The following ALDH2 variants were observed in gnomAD, a reference collection of about 807,000 sequenced individuals.
ALDH2 encodes aldehyde dehydrogenase, mitochondrial.
Under a neutral mutation model 59.6 loss-of-function variants are expected in ALDH2, and 44 were observed. That is an observed-to-expected ratio of 0.74 (90% confidence interval 0.58 to 0.95). The LOEUF is 0.95. Ranked by LOEUF, ALDH2 falls within the 40% of genes least tolerant of loss-of-function variation. The probability of loss-of-function intolerance (pLI) is 0.00; values close to 1 mark genes in which losing one functional copy is unlikely to be tolerated. For synonymous variants in ALDH2, 291 were observed against 284.0 expected (o/e 1.02, Z -0.25); for missense variants, 570 against 696.3 (o/e 0.82, Z 2.04).
chr12:111,795,235 G>T (rs1364644771), intron 9 of ALDH2, among the ~76,000 whole-genome samples: 1 of 152,170 alleles, frequency 6.6e-6, no homozygotes. Context: ...TGACAGACTT[G>T]ATTGTTTCCA....
Position 111,783,172 on chromosome 12 carries a change from G to A in ALDH2, c.234G>A (p.Lys78=), listed in dbSNP as rs771277872. The A allele has an allele frequency of 1.9e-6, 3 of 1,612,234 alleles. No individual in the cohort carries two copies. Among genetic ancestry groups the A allele is most frequent in the East Asian group, 4.5e-5 (2 of 44,812 alleles). ...VAEGDKEDVD[K]AVKAARAAFQ... ...GTGTTTTCTAGGAAGATGTGGACAA[G>A]GCAGTGAAGGCCGCCCGGGCCGCCT... The change falls in exon 3 of 13, where the codon AAG becomes AAA. Residue 78 remains lysine, a synonymous_variant. Transcript: ENST00000261733.
chr12:111,780,329 G>A, intron 1 of ALDH2, among the ~76,000 whole-genome samples: 1 of 152,162 alleles, frequency 6.6e-6, no homozygotes, highest in East Asian at 1.9e-4. Context: ...GTGATGGCCT[G>A]GTCTGAATTA....
At chr12:111,809,479 C>T in intron 12 of ALDH2, 64 bp from the exon 13 acceptor site, 1 of 1,586,316 alleles carries the variant, frequency 6.3e-7, no homozygotes, top group East Asian at 2.2e-5. Flanking sequence ...CAGCTCCTAG[C>T]TGAGGGGACC....
At chr12:111,773,036 A>T (rs953946037) in intron 1 of ALDH2, among the ~76,000 whole-genome samples, 2 of 146,812 alleles carry the variant, frequency 1.4e-5, no homozygotes, top group African/African-American at 2.5e-5. Context: ...AGGCAGGCGG[A>T]TCACCTCAGG....
At position 111,816,122 on chromosome 12, in the gene ALDH2, T is replaced by G. The variant is rs1404157194; in HGVS notation, c.*6547T>G. The G allele has an allele frequency of 6.6e-6, 1 of 152,110 alleles. No individual in the cohort carries two copies. The highest frequency in any genetic ancestry group is 2.4e-5 in the African/African-American group (1 of 41,390). The allele number at this position is 152,110 out of a possible 1,614,324, so 9.4% of individuals were successfully genotyped here. On this transcript the variant is annotated 3_prime_UTR_variant, in exon 13 of 13. Transcript: ENST00000261733. ...ATGAATGGCTTGGTGTCCTCCCCCA[T>G]GGTAATGAGTTCACTCAAGAGCTGG... is the stretch of plus-strand genomic sequence containing the variant.
chr12:111,799,966 G>A lies in ALDH2; in HGVS notation c.1309G>A (p.Ala437Thr), dbSNP rs1169806518. ...GACCATAGAGGAGGTTGTTGGGAGA[G>A]CCAACAATTCCACGTACGGGCTGGC... ...FKTIEEVVGRANNSTYGLAAA... is the reference protein window; with the variant it reads ...FKTIEEVVGRTNNSTYGLAAA... Residue 437 changes from alanine to threonine, a missense_variant, in exon 11 of 13, where the codon GCC becomes ACC. Physicochemically the swap from Ala to Thr is moderately conservative, Grantham distance 58. Transcript: ENST00000261733. The A allele has an allele frequency of 6.2e-7, 1 of 1,614,058 alleles. No homozygotes were observed. Among genetic ancestry groups the A allele is most frequent in the Admixed American group, 1.7e-5 (1 of 60,018 alleles).
intron 11 of ALDH2, among the ~76,000 whole-genome samples, chr12:111,801,894 T>A (rs1452243537): frequency 1.3e-5 from 2 of 152,124 alleles, no homozygotes; most frequent in African/African-American, 4.8e-5. Context: ...TGTTCTGCAA[T>A]TAGACAGTGG....
In ALDH2 at chr12:111,798,252, T is replaced by TG. The variant is rs1724385854; in HGVS notation, c.1248+14dup. 1 of 1,543,280 alleles carries TG rather than the reference T, an allele frequency of 6.5e-7. No individual in the cohort carries two copies. The highest frequency in any genetic ancestry group is 2.0e-5 in the Admixed American group (1 of 51,212). ...CATCGCCAAGGAGGAGGTGAGCACT[T>TG]GGGGCCAGTGCTCTGGAAACATTCT... On this transcript the variant is annotated intron_variant, in intron 10 of 12. Coordinates refer to ENST00000261733, the MANE Select transcript of ALDH2 (RefSeq NM_000690.4).
Position 111,811,438 on chromosome 12 carries a change from T to A in ALDH2, c.*1863T>A, listed in dbSNP as rs903956311. The A allele has an allele frequency of 2.0e-5, 3 of 151,996 alleles. No individual in the cohort carries two copies. The highest frequency in any genetic ancestry group is 4.4e-5 in the Non-Finnish European group (3 of 68,012). The allele number at this position is 151,996 out of a possible 1,614,324, so 9.4% of individuals were successfully genotyped here. On this transcript the variant is annotated 3_prime_UTR_variant, in exon 13 of 13. Transcript: ENST00000261733. ...TCTACCATCATGTGAAACACCACTCTGTGATTTGAGTCTTGACAATGTATT... is the reference window on the plus strand; with the variant it reads ...TCTACCATCATGTGAAACACCACTCAGTGATTTGAGTCTTGACAATGTATT...
In ALDH2 at chr12:111,781,965, C is replaced by G; in HGVS notation, c.162C>G (p.Phe54Leu). The G allele has an allele frequency of 1.2e-6, 2 of 1,613,924 alleles. No homozygotes were observed. Among genetic ancestry groups the G allele is most frequent in the Non-Finnish European group, 1.7e-6 (2 of 1,179,900 alleles). Residue 54 changes from phenylalanine to leucine, a missense_variant, in exon 2 of 13, where the codon TTC becomes TTG. By Grantham distance (22) the Phe-to-Leu change is conservative. Transcript: ENST00000261733. ...EWHDAVSRKT[F>L]PTVNPSTGEV... ...ACGATGCCGTCAGCAGGAAAACATT[C>G]CCCACCGTCAATCCGTCCACTGGAG...
At chr12:111,783,405 C>T (rs1427794169) in intron 3 of ALDH2, 107 bp downstream of exon 3, 8 of 1,386,888 alleles carry the variant, frequency 5.8e-6, no homozygotes, top group Non-Finnish European at 7.8e-6. Context: ...AGGGAACACA[C>T]ATCTGACACG....
chr12:111,767,129 T>C (rs1336876217), intron 1 of ALDH2, 33 bp downstream of exon 1: 2 of 1,442,038 alleles, frequency 1.4e-6, no homozygotes, highest in Non-Finnish European at 1.8e-6. Context: ...CGCTTTGTTT[T>C]CCGGCCCGAG....
chr12:111,806,479 G>T (rs565931073), intron 12 of ALDH2, among the ~76,000 whole-genome samples: 1 of 152,320 alleles, frequency 6.6e-6, no homozygotes, highest in East Asian at 1.9e-4. Context: ...GATTGGAAAA[G>T]AGGAGGCTCA....
rs1017744388 is a variant in ALDH2 at position 111,812,501 on chromosome 12, A to G, written c.*2926A>G. On this transcript the variant is annotated 3_prime_UTR_variant, in exon 13 of 13. Coordinates refer to ENST00000261733, the MANE Select transcript of ALDH2 (RefSeq NM_000690.4). ...TGATGCCCTACTTATGCCTAACTTT[A>G]TCACCAGCTTAACCCTCATCTCATT... 4 of 152,142 alleles carry G rather than the reference A, an allele frequency of 2.6e-5. No homozygotes were observed. The highest frequency in any genetic ancestry group is 9.7e-5 in the African/African-American group (4 of 41,426). 9.4% of individuals were successfully genotyped at this position (152,142 alleles called of 1,614,324 possible).
chr12:111,795,518 G>A (rs1473480694), intron 9 of ALDH2, among the ~76,000 whole-genome samples: 1 of 149,818 alleles, frequency 6.7e-6, no homozygotes, highest in East Asian at 2.0e-4. Context: ...CCTGACCTCA[G>A]GTGATCCACC....
chr12:111,802,529 C>T (rs1307526623), intron 11 of ALDH2, among the ~76,000 whole-genome samples: 4 of 151,456 alleles, frequency 2.6e-5, no homozygotes, highest in East Asian at 1.9e-4. Flanking sequence ...TGCAGTGAGC[C>T]GAGATCGCAC....
rs768692057 is a variant in ALDH2, at chr12:111,783,241, G to A, written c.303G>A (p.Arg101=). The change falls in exon 3 of 13, where the codon AGG becomes AGA. Residue 101 remains arginine (R), a synonymous_variant. Coordinates refer to ENST00000261733, the MANE Select transcript of ALDH2 (RefSeq NM_000690.4). The part of the protein sequence containing the change: ...SPWRRMDASH[R]GRLLNRLADL... The stretch of plus-strand genomic sequence containing the variant: ...GGCGCCGCATGGACGCATCACACAG[G>A]GGCCGGCTGCTGAACCGCCTGGCCG... 1.2e-6 allele frequency: 2 copies of A among 1,613,258 alleles called. No individual in the cohort carries two copies. Among genetic ancestry groups the A allele is most frequent in the South Asian group, 1.1e-5 (1 of 90,882 alleles).
In ALDH2 at chr12:111,803,877, G is replaced by A. The variant is rs764536284; in HGVS notation, c.1425G>A (p.Val475=). 1 of 1,612,970 alleles carries A rather than the reference G, an allele frequency of 6.2e-7. No individual in the cohort carries two copies. The highest frequency in any genetic ancestry group is 8.5e-7 in the Non-Finnish European group (1 of 1,179,422). The change falls in exon 12 of 13, where the codon GTG becomes GTA. Residue 475 remains valine (V), a synonymous_variant. Transcript: ENST00000261733. The stretch of plus-strand genomic sequence containing the variant: ...ATTACAGGGTCAACTGCTATGATGT[G>A]TTTGGAGCCCAGTCACCCTTTGGTG... The part of the protein sequence containing the change: ...AGTVWVNCYD[V]FGAQSPFGGY...
At chr12:111,783,881 C>A (rs1215461874) in intron 3 of ALDH2, among the ~76,000 whole-genome samples, 1 of 152,106 alleles carries the variant, frequency 6.6e-6, no homozygotes, top group East Asian at 1.9e-4. Flanking sequence ...GGGAGGCCTT[C>A]CCAGGAGAGA....
Sources: allele counts gnomAD v4.1 joint callset (sites outside exome capture counted in the v4.1 genomes callset), GRCh38; gene constraint gnomAD v4.1.1; transcripts MANE v1.5; gene names NCBI Gene and HGNC (gene_info 2026-07-23, HGNC 2026-07-21).